LEPROTL1: variants seen among roughly 807,000 people sequenced by gnomAD.
The protein encoded by LEPROTL1 is leptin receptor overlapping transcript-like 1.
LEPROTL1 carries 6 observed loss-of-function variants against 15.4 expected under a neutral mutation model. That is an observed-to-expected ratio of 0.39 (90% CI 0.21 to 0.77). LEPROTL1 has a LOEUF of 0.77. LEPROTL1 is among the 30% of genes least tolerant of loss of function. The pLI, the probability that LEPROTL1 is intolerant of heterozygous loss-of-function variation, is 0.41. For missense variants in LEPROTL1, 128 were observed against 158.1 expected (o/e 0.81, Z 1.02); for synonymous variants, 56 against 52.6 (o/e 1.06, Z -0.28).
chr8:30,130,035 T>C (rs1391635191), intron 3 of LEPROTL1, among the ~76,000 whole-genome samples: 1 of 152,060 alleles, frequency 6.6e-6, no homozygotes, highest in Admixed American at 6.6e-5. Flanking sequence ...TTTAATCGCC[T>C]CCCACCAGGC....
downstream of LEPROTL1, among the ~76,000 whole-genome samples, chr8:30,109,430 CTAA>C (rs1563215299): frequency 6.6e-6 from 1 of 152,168 alleles, no homozygotes; most frequent in Non-Finnish European, 1.5e-5. Flanking sequence ...TTACTAAGAA[CTAA>C]TGTTTGTTTT....
In LEPROTL1 at chr8:30,132,297, T is replaced by C; in HGVS notation, c.280-78T>C. 1.9e-6 allele frequency: 3 copies of C among 1,551,774 alleles called. No individual in the cohort carries two copies. The South Asian group carries it at 3.6e-5, about 18-fold the overall frequency. ...ACGGCCAAGCCCTGCTGTGCTGGAATACAAGCCGTCGGAGCCATCGAGCTG... is the reference window on the plus strand; with the variant it reads ...ACGGCCAAGCCCTGCTGTGCTGGAACACAAGCCGTCGGAGCCATCGAGCTG... On this transcript the variant is annotated intron_variant, in intron 3 of 4. Coordinates refer to the LEPROTL1 transcript ENST00000442880.
intron 1 of LEPROTL1, among the ~76,000 whole-genome samples, chr8:30,099,794 T>C (rs1257164466): frequency 1.2e-5 from 1 of 86,674 alleles, no homozygotes; most frequent in Non-Finnish European, 2.6e-5. Flanking sequence ...TGAAAAAATG[T>C]CTGAGGCAGA....
At chr8:30,131,868 A>T (rs1282722189) in intron 3 of LEPROTL1, 3 of 1,453,568 alleles carry the variant, frequency 2.1e-6, no homozygotes, top group Admixed American at 2.7e-5. Context: ...GTTCAAATGT[A>T]TGCATTATCG....
downstream of LEPROTL1, among the ~76,000 whole-genome samples, chr8:30,113,107 C>CAGA (rs1802678789): frequency 1.0e-5 from 1 of 95,452 alleles, no homozygotes; most frequent in African/African-American, 3.6e-5. Context: ...CCCGTCTCTC[C>CAGA]AAAAAAAAAA....
At chr8:30,131,085 C>T (rs1478228431) in intron 3 of LEPROTL1, among the ~76,000 whole-genome samples, 2 of 151,682 alleles carry the variant, frequency 1.3e-5, no homozygotes, top group South Asian at 2.1e-4. Flanking sequence ...TGAGCCACAA[C>T]GCCCGGCCCA....
In LEPROTL1 at chr8:30,132,942, CTG is replaced by C. The variant is rs1224356206; in HGVS notation, c.394+455_394+456del. The C allele has an allele frequency of 7.5e-6, 11 of 1,474,114 alleles. No homozygotes were observed. In the East Asian group the frequency reaches 9.9e-5, roughly 13 times the overall value. The allele number at this position is 1,474,114 out of a possible 1,614,324, so 91.3% of individuals were successfully genotyped here. On this transcript the variant is annotated intron_variant, in intron 4 of 4. Coordinates refer to the LEPROTL1 transcript ENST00000442880. ...ATTTTTTAAAGAACATAAAAACACT[CTG>C]TATTTATTCTCTCTCTCTTATTCCA...
rs1413069883 is a variant in LEPROTL1, at chr8:30,107,260, A to C, written c.*1398A>C. On this transcript the variant is annotated 3_prime_UTR_variant, in exon 4 of 4. Coordinates refer to ENST00000321250, the MANE Select transcript of LEPROTL1 (RefSeq NM_015344.3). The stretch of plus-strand genomic sequence containing the variant: ...CATACCTGACCAAAAAATTCCCAGT[A>C]ACCAGGCATGATCAATTTATAGTGG... 2.0e-6 allele frequency: 2 copies of C among 985,494 alleles called. No homozygotes were observed. Among genetic ancestry groups the C allele is most frequent in the East Asian group, 2.3e-4 (2 of 8,814 alleles). The allele number at this position is 985,494 out of a possible 1,614,324, so 61.0% of individuals were successfully genotyped here. A position where few individuals can be genotyped will look rare whatever the true frequency, so the allele number is the denominator to read the frequency against.
chr8:30,100,729 G>A (rs1484828115), intron 1 of LEPROTL1, among the ~76,000 whole-genome samples: 3 of 152,238 alleles, frequency 2.0e-5, no homozygotes, highest in South Asian at 2.1e-4. Context: ...GATTACAGGC[G>A]TGAGCCACTG....
intron 3 of LEPROTL1, among the ~76,000 whole-genome samples, chr8:30,118,653 C>T (rs540350836): frequency 3.9e-5 from 6 of 152,270 alleles, no homozygotes; most frequent in South Asian, 2.1e-4. Flanking sequence ...GACTGGCGCT[C>T]AGCATATGGA....
At chr8:30,119,547 C>G (rs1275350369) in intron 3 of LEPROTL1, among the ~76,000 whole-genome samples, 1 of 152,078 alleles carries the variant, frequency 6.6e-6, no homozygotes. Context: ...TCCTAATTGT[C>G]TGATTTTAGA....
intron 4 of LEPROTL1, among the ~76,000 whole-genome samples, chr8:30,135,844 G>A (rs1024351211): frequency 1.3e-5 from 2 of 150,934 alleles, no homozygotes; most frequent in South Asian, 2.1e-4. Flanking sequence ...AGCCCAGGAG[G>A]TCGAGGCTGC....
At chr8:30,112,609 C>T (rs925304958), downstream of LEPROTL1, among the ~76,000 whole-genome samples, 33 of 151,570 alleles carry the variant, frequency 2.2e-4, no homozygotes, top group African/African-American at 8.0e-4. Context: ...TAGCACACAT[C>T]ACAGCATAGG....
At position 30,107,015 on chromosome 8, in the gene LEPROTL1, A is replaced by T. The variant is rs931898040; in HGVS notation, c.*1153A>T. Reference sequence around the variant, plus strand: ...TGTTAGTCTTACAGATAATTCATGCATTAACAGTTTAAGATTTAGACCATG... The same window carrying T: ...TGTTAGTCTTACAGATAATTCATGCTTTAACAGTTTAAGATTTAGACCATG... On this transcript the variant is annotated 3_prime_UTR_variant, in exon 4 of 4. Coordinates refer to ENST00000321250, the MANE Select transcript of LEPROTL1 (RefSeq NM_015344.3). 4.1e-6 allele frequency: 4 copies of T among 982,804 alleles called. No homozygotes were observed. The highest frequency in any genetic ancestry group is 4.8e-6 in the Non-Finnish European group (4 of 827,526). The allele number at this position is 982,804 out of a possible 1,614,324, so 60.9% of individuals were successfully genotyped here.
intron 3 of LEPROTL1, chr8:30,132,018 C>T (rs1379139401): frequency 2.6e-6 from 4 of 1,551,946 alleles, no homozygotes; most frequent in East Asian, 2.4e-5. Context: ...CACTGTTGTA[C>T]GAATTACAGA....
chr8:30,135,102 G>A (rs1384246109), intron 4 of LEPROTL1, among the ~76,000 whole-genome samples: 2 of 148,734 alleles, frequency 1.3e-5, no homozygotes, highest in Non-Finnish European at 3.0e-5. Context: ...ATGTTGGCCT[G>A]GCTAGTCTCA....
rs369672221 is a variant in LEPROTL1 at position 30,126,808 on chromosome 8, C to T, written c.280-5567C>T. Among the ~76,000 whole-genome samples, 7 of 152,048 alleles carry T rather than the reference C, an allele frequency of 4.6e-5. No homozygotes were observed. In the South Asian group the frequency reaches 6.2e-4, roughly 14 times the overall value. On this transcript the variant is annotated intron_variant, in intron 3 of 4. Transcript: ENST00000442880. ...AGACCAGCACTATGGGAGGCTGAGG[C>T]GGGAGGATCACTTGAGGCCAGAAGT...
At chr8:30,100,881 G>A (rs1013947008) in intron 1 of LEPROTL1, among the ~76,000 whole-genome samples, 1 of 152,228 alleles carries the variant, frequency 6.6e-6, no homozygotes, top group African/African-American at 2.4e-5. Context: ...GTGTGTGCGC[G>A]CGTAGCTTTA....
chr8:30,125,753 C>CA (rs1802895378), intron 3 of LEPROTL1, among the ~76,000 whole-genome samples: 1 of 152,172 alleles, frequency 6.6e-6, no homozygotes, highest in Admixed American at 6.5e-5. Context: ...GGGACAGGGC[C>CA]AGAACTCCTG....
Sources: allele counts gnomAD v4.1 joint callset (sites outside exome capture counted in the v4.1 genomes callset), GRCh38; gene constraint gnomAD v4.1.1; transcripts MANE v1.5; gene names NCBI Gene and HGNC (gene_info 2026-07-23, HGNC 2026-07-21).